The following MAPT variants were observed in gnomAD, a reference collection of about 807,000 sequenced individuals.
MAPT encodes microtubule-associated protein tau.
Under a neutral mutation model 67.9 loss-of-function variants are expected in MAPT, and 34 were observed. That is an observed-to-expected ratio of 0.50 (90% CI 0.38 to 0.67). The LOEUF is 0.67. Among genes scored for constraint, MAPT ranks in the 30% least tolerant of loss-of-function variants. MAPT has a pLI of 0.00. For missense variants in MAPT, 881 were observed against 1,115.2 expected, an observed-to-expected ratio of 0.79 and a Z score of 2.99; for synonymous variants, 456 against 464.5, an observed-to-expected ratio of 0.98 and a Z score of 0.23.
chr17:46,016,129 C>A (rs2076161585), intron 11 of MAPT, among the ~76,000 whole-genome samples: 2 of 152,226 alleles, frequency 1.3e-5, no homozygotes, highest in South Asian at 4.1e-4. Context: ...TGGTGGCCCA[C>A]ACCTATAATC....
In MAPT at chr17:45,995,016, C is replaced by T. The variant is rs2074360615; in HGVS notation, c.1733-1383C>T. Among the ~76,000 whole-genome samples the T allele has an allele frequency of 6.6e-6, 1 of 152,080 alleles. No individual in the cohort carries two copies. Among genetic ancestry groups the T allele is most frequent in the Non-Finnish European group, 1.5e-5 (1 of 68,012 alleles). On this transcript the variant is annotated intron_variant, in intron 8 of 12. Coordinates refer to ENST00000262410, the MANE Select transcript of MAPT (RefSeq NM_001377265.1). The surrounding 1 kb of genome is among the most constrained non-coding windows in gnomAD (Gnocchi z 4.3). ...TGAGCCGAGATCACGCCATTGCACT[C>T]CAGCCTGGGCATCAGAATAAGACTC...
At chr17:45,927,571 T>C (rs1037804618) in intron 1 of MAPT, among the ~76,000 whole-genome samples, 2 of 152,098 alleles carry the variant, frequency 1.3e-5, no homozygotes, top group Admixed American at 1.3e-4. Flanking sequence ...GTGCTTAGCT[T>C]TTTCTTTTCC....
chr17:45,928,872 G>GT (rs765767874), intron 1 of MAPT, among the ~76,000 whole-genome samples: 4 of 151,894 alleles, frequency 2.6e-5, no homozygotes, highest in Non-Finnish European at 5.9e-5. Flanking sequence ...ATTTTTTTGT[G>GT]TTTTTAGTAG....
At chr17:45,970,172 G>C (rs576818076) in intron 2 of MAPT, among the ~76,000 whole-genome samples, 36 of 151,836 alleles carry the variant, frequency 2.4e-4, no homozygotes, top group African/African-American at 8.7e-4. Context: ...ATTCATACAT[G>C]CATCTAATCA....
At chr17:45,902,832 A>G (rs2063709082) in intron 1 of MAPT, among the ~76,000 whole-genome samples, 1 of 152,216 alleles carries the variant, frequency 6.6e-6, no homozygotes, top group Non-Finnish European at 1.5e-5. Flanking sequence ...AGCAATTGAT[A>G]ATAATGTTTC....
intron 2 of MAPT, among the ~76,000 whole-genome samples, chr17:45,968,819 C>G (rs1455531769): frequency 6.6e-6 from 1 of 152,216 alleles, no homozygotes; most frequent in Non-Finnish European, 1.5e-5. Context: ...AAAATAATCA[C>G]TGCCACTTAT....
At chr17:45,963,410 G>A (rs2070678124) in intron 2 of MAPT, among the ~76,000 whole-genome samples, 1 of 152,112 alleles carries the variant, frequency 6.6e-6, no homozygotes, top group African/African-American at 2.4e-5. Flanking sequence ...CCAAGGGTTG[G>A]ACCAAGTTGT....
intron 1 of MAPT, among the ~76,000 whole-genome samples, chr17:45,905,366 C>T (rs999967361): frequency 3.9e-5 from 6 of 152,122 alleles, no homozygotes; most frequent in Non-Finnish European, 7.4e-5. Context: ...AGGCCAGTGG[C>T]GGCTGCACTC....
chr17:45,934,522 G>A (rs1195045878), intron 1 of MAPT, among the ~76,000 whole-genome samples: 1 of 152,062 alleles, frequency 6.6e-6, no homozygotes, highest in Non-Finnish European at 1.5e-5. Context: ...GGTATCATCA[G>A]CCATTTGGTT....
rs2076896136 is a variant in MAPT, at chr17:46,028,103, C to G, written c.*3932C>G. 6.7e-6 allele frequency: 1 copy of G among 149,116 alleles called. No homozygotes were observed. Among genetic ancestry groups the G allele is most frequent in the Non-Finnish European group, 1.5e-5 (1 of 67,822 alleles). The allele number at this position is 149,116 out of a possible 1,614,324, so 9.2% of individuals were successfully genotyped here. A position where few individuals can be genotyped will look rare whatever the true frequency, so the allele number is the denominator to read the frequency against. ...GGGCACTGGCCTAGAGCCTCACCTCCTAATAGACTTAGCCCCATGAGTTTG... is the reference window on the plus strand; with the variant it reads ...GGGCACTGGCCTAGAGCCTCACCTCGTAATAGACTTAGCCCCATGAGTTTG... On this transcript the variant is annotated 3_prime_UTR_variant, in exon 13 of 13. Transcript: ENST00000262410.
intron 1 of MAPT, chr17:45,898,178 A>T (rs2143690312): frequency 6.6e-6 from 1 of 152,382 alleles, no homozygotes; most frequent in East Asian, 1.9e-4. Flanking sequence ...ATGTTTATAT[A>T]GCAATAACCT....
In MAPT at chr17:45,904,317, A is replaced by C. The variant is rs1429193334; in HGVS notation, c.-18+9631A>C. On this transcript the variant is annotated intron_variant, in intron 1 of 12. Transcript: ENST00000262410. ...TAATATATAATATATATAAAAACATATATAATATATATTATATATTATATA... is the reference window on the plus strand; with the variant it reads ...TAATATATAATATATATAAAAACATCTATAATATATATTATATATTATATA... 3.2e-5 allele frequency among the ~76,000 whole-genome samples: 2 copies of C among 62,238 alleles called. 1 individual carries two copies. Among genetic ancestry groups the C allele is most frequent in the Admixed American group, 5.6e-4 (2 of 3,584 alleles). 40.8% of individuals were successfully genotyped at this position (62,238 alleles called of 152,430 possible).
chr17:46,013,206 G>A (rs1334053935), intron 10 of MAPT, among the ~76,000 whole-genome samples: 1 of 152,084 alleles, frequency 6.6e-6, no homozygotes, highest in African/African-American at 2.4e-5. Flanking sequence ...GGTGGGAGGT[G>A]GCTGCCCCCT....
Position 46,024,040 on chromosome 17 carries a change from G to A in MAPT, c.2371G>A (p.Val791Met). 1 of 1,614,122 alleles carries A rather than the reference G, an allele frequency of 6.2e-7. No individual in the cohort carries two copies. The stretch of plus-strand genomic sequence containing the variant: ...GGAGATCGTGTACAAGTCGCCAGTG[G>A]TGTCTGGGGACACGTCTCCACGGCA... ...GAEIVYKSPVVSGDTSPRHLS... is the reference protein window; with the variant it reads ...GAEIVYKSPVMSGDTSPRHLS... Residue 791 changes from valine (V) to methionine (M), a missense_variant, in exon 13 of 13, where the codon GTG (valine) becomes ATG (methionine). Physicochemically the swap from Val to Met is conservative, Grantham distance 21. Around this residue, in one of 6 missense-constraint regions of MAPT, gnomAD observed 79 missense variants for 150.9 expected, o/e 0.52. Coordinates refer to ENST00000262410, the MANE Select transcript of MAPT (RefSeq NM_001377265.1).
At chr17:45,908,307 AGAGGCTGGAAGATGTGGATGAGAG>A (rs2144068606) in intron 1 of MAPT, 1 of 152,352 alleles carries the variant, frequency 6.6e-6, no homozygotes, top group Non-Finnish European at 1.5e-5. Flanking sequence ...CCATGTGGCT[AGAGGCTGGAAGATGTGGATGAGAG>A]GAGCCTGGCA....
chr17:45,931,028 T>C (rs1041459307), intron 1 of MAPT, among the ~76,000 whole-genome samples: 15 of 152,202 alleles, frequency 9.9e-5, no homozygotes, highest in Admixed American at 8.5e-4. Flanking sequence ...TAGAATTTGC[T>C]GTCACTGTGG....
intron 1 of MAPT, among the ~76,000 whole-genome samples, chr17:45,946,662 G>A (rs999550949): frequency 3.7e-5 from 5 of 134,594 alleles, no homozygotes; most frequent in Non-Finnish European, 8.0e-5. Flanking sequence ...GTAGTTTTTA[G>A]ATCTATAGTA....
intron 9 of MAPT, among the ~76,000 whole-genome samples, chr17:45,998,241 T>TC (rs2074670165): frequency 6.6e-6 from 1 of 150,918 alleles, no homozygotes; most frequent in Non-Finnish European, 1.5e-5. Flanking sequence ...CCCTGCCACC[T>TC]CCCCCCACCC....
chr17:45,976,196 G>A (rs562645978), intron 3 of MAPT: 9 of 152,302 alleles, frequency 5.9e-5, no homozygotes, highest in African/African-American at 2.2e-4. Context: ...CGGTTCTCAG[G>A]GCTGCAGCAC....
Sources: gnomAD v4.1 joint callset for allele counts (sites outside exome capture counted in the v4.1 genomes callset) on GRCh38, gnomAD v4.1.1 for gene constraint, gnomAD v4.1.1 regional missense constraint, Gnocchi (gnomAD v3.1) non-coding constraint, MANE v1.5 for transcripts, NCBI Gene and HGNC (gene_info 2026-07-23, HGNC 2026-07-21) for gene names.